The following CRISP1 variants were observed in gnomAD, a reference collection of about 807,000 sequenced individuals.
CRISP1 encodes the protein cysteine-rich secretory protein 1.
A neutral mutation model predicts 33.1 loss-of-function variants in CRISP1; 44 were observed. The ratio of observed to expected loss-of-function variants is 1.33; its 90% CI spans 1.05 to 1.71. The LOEUF (loss-of-function observed/expected upper bound fraction) is 1.71. Among genes scored for constraint, CRISP1 ranks in the 40% most tolerant of loss-of-function variants. The probability of loss-of-function intolerance (pLI) is 0.00; values close to 1 mark genes in which losing one functional copy is unlikely to be tolerated. For missense variants in CRISP1, 390 were observed against 301.2 expected, an observed-to-expected ratio of 1.29 and a Z score of -2.18; for synonymous variants, 103 against 98.7, an observed-to-expected ratio of 1.04 and a Z score of -0.26.
intron 3 of CRISP1, among the ~76,000 whole-genome samples, chr6:49,849,506 G>A (rs552390789): frequency 1.3e-5 from 2 of 152,142 alleles, no homozygotes; most frequent in Non-Finnish European, 2.9e-5. Flanking sequence ...CAGGCAATGG[G>A]CAATACTCAT....
upstream of CRISP1, among the ~76,000 whole-genome samples, chr6:49,867,005 G>A (rs7738293): frequency 0.097 from 14,726 of 152,126 alleles, 994 homozygotes; most frequent in Non-Finnish European, 0.15. Flanking sequence ...GAAAAGATAA[G>A]TAGTCCATTT....
At chr6:49,835,488 C>T (rs763034445) in intron 7 of CRISP1, 45 bp from the exon 8 acceptor site, 4 of 1,589,186 alleles carry the variant, frequency 2.5e-6, no homozygotes, top group South Asian at 1.2e-5. Flanking sequence ...TTTTAAAAAT[C>T]GCATTTGCTG....
intron 2 of CRISP1, among the ~76,000 whole-genome samples, chr6:49,853,620 C>T (rs937890957): frequency 4.6e-5 from 7 of 152,180 alleles, no homozygotes; most frequent in Admixed American, 3.9e-4. Flanking sequence ...TTGGAATTTC[C>T]TGTTCTTCCA....
intron 5 of CRISP1, among the ~76,000 whole-genome samples, chr6:49,845,533 A>G (rs1771136153): frequency 6.6e-6 from 1 of 152,200 alleles, no homozygotes; most frequent in Non-Finnish European, 1.5e-5. Context: ...GGAACGTAAA[A>G]TGGTGCAGCT....
upstream of CRISP1, among the ~76,000 whole-genome samples, chr6:49,871,137 AAAC>A (rs1455996403): frequency 4.0e-5 from 6 of 151,060 alleles, no homozygotes; most frequent in African/African-American, 1.5e-4. Flanking sequence ...AACAAAAAAA[AAAC>A]AAAGAAAGAA....
intron 7 of CRISP1, 61 bp from the exon 8 acceptor site, chr6:49,835,504 A>G: frequency 6.5e-7 from 1 of 1,535,428 alleles, no homozygotes; most frequent in Non-Finnish European, 8.8e-7. Flanking sequence ...TGCTGAGGAA[A>G]GAGACCATCT....
intron 1 of CRISP1, among the ~76,000 whole-genome samples, chr6:49,859,960 C>T (rs572906085): frequency 2.5e-4 from 38 of 151,942 alleles, no homozygotes; most frequent in African/African-American, 8.9e-4. Context: ...GCAGGAATAG[C>T]TATAGTTTAT....
rs1244812702 is a variant in CRISP1, at chr6:49,834,608, T to C, written c.*708A>G. On this transcript the variant is annotated 3_prime_UTR_variant, in exon 8 of 8. Transcript: ENST00000335847. ...ATGTCTTTAGGGACTTAATTTCTCA[T>C]ATTATGCTATTTTATATATCTTTTA... 1 of 152,190 alleles carries C rather than the reference T, an allele frequency of 6.6e-6. No individual in the cohort carries two copies. The highest frequency in any genetic ancestry group is 1.5e-5 in the Non-Finnish European group (1 of 68,032). The allele number at this position is 152,190 out of a possible 1,614,324, so 9.4% of individuals were successfully genotyped here.
intron 4 of CRISP1, among the ~76,000 whole-genome samples, 154 bp downstream of exon 4, chr6:49,848,053 CAG>C (rs1771235314): frequency 6.6e-6 from 1 of 152,080 alleles, no homozygotes; most frequent in African/African-American, 2.4e-5. Context: ...TGAGTTAAAA[CAG>C]TGTAATAGTC....
intron 4 of CRISP1, among the ~76,000 whole-genome samples, chr6:49,847,874 A>G (rs1282782529): frequency 6.6e-6 from 1 of 152,082 alleles, no homozygotes; most frequent in Non-Finnish European, 1.5e-5. Flanking sequence ...GCTATTGTTC[A>G]GTAGCTATAG....
upstream of CRISP1, among the ~76,000 whole-genome samples, chr6:49,869,362 C>G (rs547629350): frequency 2.0e-5 from 3 of 152,276 alleles, no homozygotes; most frequent in African/African-American, 7.2e-5. Context: ...TACCCCTGAG[C>G]AAATGATGCA....
In CRISP1 at chr6:49,845,541, G is replaced by A. The variant is rs192818862; in HGVS notation, c.435+979C>T. On this transcript the variant is annotated intron_variant, in intron 5 of 7. Transcript: ENST00000335847. ...GCTGGTGGGAACGTAAAATGGTGCA[G>A]CTGCAACAGAAAATATAATAGTACT... Among the ~76,000 whole-genome samples the A allele has an allele frequency of 5.9e-4, 90 of 152,256 alleles. 1 individual carries two copies. Among genetic ancestry groups the A allele is most frequent in the African/African-American group, 2.0e-3 (82 of 41,570 alleles).
chr6:49,858,457 C>T (rs931010369), intron 1 of CRISP1, among the ~76,000 whole-genome samples: 1 of 152,170 alleles, frequency 6.6e-6, no homozygotes, highest in South Asian at 2.1e-4. Flanking sequence ...TAATACAGGG[C>T]AGACAATTAA....
chr6:49,860,625 T>G (rs759083411), intron 1 of CRISP1, among the ~76,000 whole-genome samples: 35 of 152,068 alleles, frequency 2.3e-4, no homozygotes, highest in Non-Finnish European at 4.3e-4. Context: ...AAAGCTGTGC[T>G]AAAAGGCAAG....
At position 49,840,992 on chromosome 6, in the gene CRISP1, C is replaced by A. The variant is rs769037389; in HGVS notation, c.439G>T (p.Val147Phe). The A allele has an allele frequency of 2.8e-5, 45 of 1,612,592 alleles. No individual in the cohort carries two copies. The highest frequency in any genetic ancestry group is 3.6e-5 in the Non-Finnish European group (43 of 1,178,942). Residue 147 changes from valine (V) to phenylalanine (F), a missense_variant, in exon 6 of 8, where the codon GTT becomes TTT. Coordinates refer to ENST00000335847, the MANE Select transcript of CRISP1 (RefSeq NM_001131.3). ...DITTDHYTQI[V>F]WATSYLIGCA... ...CCAATCAGGTAAGATGTGGCCCAAA[C>A]AATCTGCAATGATAAAGAGTTGTTT... is the stretch of plus-strand genomic sequence containing the variant.
At chr6:49,838,363 T>C in intron 7 of CRISP1, 74 bp downstream of exon 7, 3 of 1,072,782 alleles carry the variant, frequency 2.8e-6, no homozygotes, top group East Asian at 2.4e-5. Context: ...TGTTTTTTAA[T>C]GCTTAATTTA....
Position 49,840,898 on chromosome 6 carries a change from T to G in CRISP1, c.533A>C (p.Glu178Ala), listed in dbSNP as rs1223653360. ...TATTTTAAAAACTAATAATACATAC[T>G]CATGACAATAGTGACAAACGTAGAG... ...RYLYVCHYCH[E>A]GNDPETKNEP... Residue 178 changes from glutamate (E) to alanine (A), a missense_variant and splice_region_variant, in exon 6 of 8, where the codon GAG becomes GCG. By Grantham distance (107) the Glu-to-Ala change is moderately radical. Coordinates refer to ENST00000335847, the MANE Select transcript of CRISP1 (RefSeq NM_001131.3). The G allele has an allele frequency of 1.2e-6, 2 of 1,610,598 alleles. No homozygotes were observed. The highest frequency in any genetic ancestry group is 1.7e-5 in the Admixed American group (1 of 59,970).
chr6:49,870,079 A>G (rs905741014), upstream of CRISP1, among the ~76,000 whole-genome samples: 46 of 152,206 alleles, frequency 3.0e-4, no homozygotes, highest in African/African-American at 1.1e-3. Context: ...TACATTACCC[A>G]GTCTAAGGTA....
intron 6 of CRISP1, among the ~76,000 whole-genome samples, chr6:49,839,341 C>G (rs1218448951): frequency 7.0e-6 from 1 of 143,622 alleles, no homozygotes; most frequent in Non-Finnish European, 1.5e-5. Context: ...GTTCCAGATA[C>G]TTGGAAGGCT....
Sources: allele counts gnomAD v4.1 joint callset (sites outside exome capture counted in the v4.1 genomes callset), GRCh38; gene constraint gnomAD v4.1.1; transcripts MANE v1.5; gene names NCBI Gene and HGNC (gene_info 2026-07-23, HGNC 2026-07-21).